Variants in AIMP1 observed in about 807,000 individuals in gnomAD.
AIMP1 encodes aminoacyl tRNA synthetase complex interacting multifunctional protein 1.
In AIMP1, 24 loss-of-function variants were observed where a neutral mutation model predicts 33.1. That is an observed-to-expected ratio of 0.73 (90% CI 0.53 to 1.02). AIMP1 has a LOEUF of 1.02. AIMP1 is among the 50% of genes least tolerant of loss of function. The pLI is 0.00. For missense variants in AIMP1, 367 were observed against 364.8 expected, an observed-to-expected ratio of 1.01 and a Z score of -0.05; for synonymous variants, 120 against 121.5, an observed-to-expected ratio of 0.99 and a Z score of 0.08.
At position 106,328,141 on chromosome 4, in the gene AIMP1, A is replaced by C. The variant is rs748782849; in HGVS notation, c.289A>C (p.Ile97Leu). The C allele has an allele frequency of 4.7e-5, 76 of 1,613,500 alleles. No homozygotes were observed. The highest frequency in any genetic ancestry group is 6.3e-5 in the Non-Finnish European group (74 of 1,179,748). The change falls in exon 4 of 7, where the codon ATA becomes CTA. Residue 97 changes from isoleucine (I) to leucine (L), a missense_variant. Ile to Leu is a conservative substitution (Grantham distance 5). Transcript: ENST00000672341. ...HANSMVSENV[I>L]QSTAVTTVSS... ...TAATTCTATGGTTTCTGAAAATGTG[A>C]TACAGTCTACAGCAGTAACAACCGT...
intron 1 of AIMP1, among the ~76,000 whole-genome samples, chr4:106,320,414 G>C (rs1191426042): frequency 1.3e-5 from 2 of 152,172 alleles, no homozygotes; most frequent in African/African-American, 4.8e-5. Flanking sequence ...CACAAAATCA[G>C]GGAGTGTAAA....
At chr4:106,317,086 T>G (rs1768962175) in intron 1 of AIMP1, among the ~76,000 whole-genome samples, 1 of 152,138 alleles carries the variant, frequency 6.6e-6, no homozygotes, top group South Asian at 2.1e-4. Flanking sequence ...ACATACTGTA[T>G]TTTAGGTCGT....
chr4:106,338,833 C>T (rs1175699106), intron 6 of AIMP1, among the ~76,000 whole-genome samples: 1 of 152,222 alleles, frequency 6.6e-6, no homozygotes, highest in African/African-American at 2.4e-5. Flanking sequence ...CCTGTGAAAG[C>T]AGCTGGGATG....
At chr4:106,329,607 TTTTAAA>T (rs949776784) in intron 4 of AIMP1, among the ~76,000 whole-genome samples, 8 of 152,096 alleles carry the variant, frequency 5.3e-5, no homozygotes, top group Non-Finnish European at 8.8e-5. Flanking sequence ...ATTTAAATAA[TTTTAAA>T]TTTAAATTTA....
chr4:106,335,660 T>G (rs532839743), intron 5 of AIMP1, among the ~76,000 whole-genome samples: 1 of 152,198 alleles, frequency 6.6e-6, no homozygotes, highest in Admixed American at 6.5e-5. Flanking sequence ...GTCAAGTTAT[T>G]TGAAGCATTC....
intron 4 of AIMP1, among the ~76,000 whole-genome samples, chr4:106,330,348 A>C (rs911924542): frequency 1.3e-5 from 2 of 152,180 alleles, no homozygotes; most frequent in East Asian, 3.9e-4. Flanking sequence ...GATTTTTGGC[A>C]TATTCTGGTA....
intron 6 of AIMP1, among the ~76,000 whole-genome samples, chr4:106,340,615 TATTA>T (rs1056055577): frequency 2.0e-5 from 3 of 152,152 alleles, no homozygotes; most frequent in African/African-American, 7.2e-5. Context: ...CTGCAAAGGA[TATTA>T]ATTTCTTTTT....
chr4:106,316,543 C>T, upstream of AIMP1: 1 of 1,551,576 alleles, frequency 6.4e-7, no homozygotes, highest in Non-Finnish European at 8.7e-7. Context: ...GGTGGCTGGA[C>T]CTACATGCTT....
chr4:106,335,149 A>G (rs1196006125), intron 5 of AIMP1, among the ~76,000 whole-genome samples: 1 of 152,174 alleles, frequency 6.6e-6, no homozygotes, highest in African/African-American at 2.4e-5. Context: ...TCTAGGAAAA[A>G]AGAAGTAGAC....
Position 106,344,107 on chromosome 4 carries a change from C to T in AIMP1, c.773-3419C>T, listed in dbSNP as rs570680777. On this transcript the variant is annotated intron_variant, in intron 6 of 6. Coordinates refer to ENST00000672341, the MANE Select transcript of AIMP1 (RefSeq NM_001142416.2). ...TTAACTTGGCTTCTGGCACCACACT[C>T]TCCTGGTGGTCCTCCTTCTTCACTG... 1.5e-4 allele frequency among the ~76,000 whole-genome samples: 23 copies of T among 152,264 alleles called. No homozygotes were observed. In the South Asian group the frequency reaches 4.6e-3, roughly 30 times the overall value.
At chr4:106,316,627 G>C (rs974822895) in intron 1 of AIMP1, 33 bp downstream of exon 1, 2 of 1,548,936 alleles carry the variant, frequency 1.3e-6, no homozygotes, top group South Asian at 1.2e-5. Context: ...ACTCACTCGG[G>C]GATCGCCGAT....
At chr4:106,338,672 G>C (rs1020986135) in intron 6 of AIMP1, among the ~76,000 whole-genome samples, 3 of 152,206 alleles carry the variant, frequency 2.0e-5, no homozygotes, top group African/African-American at 7.2e-5. Context: ...AAGGAACTGT[G>C]GGATGGGACC....
At chr4:106,347,168 A>G (rs1447540244) in intron 6 of AIMP1, among the ~76,000 whole-genome samples, 1 of 152,160 alleles carries the variant, frequency 6.6e-6, no homozygotes, top group Non-Finnish European at 1.5e-5. Flanking sequence ...AACATTGGTG[A>G]TTATAATTGA....
At chr4:106,343,679 T>C (rs150266747) in intron 6 of AIMP1, among the ~76,000 whole-genome samples, 3 of 152,302 alleles carry the variant, frequency 2.0e-5, no homozygotes, top group African/African-American at 7.2e-5. Context: ...GGCTTTAGAT[T>C]CATGGAGCAT....
At chr4:106,326,320 A>G (rs928906748) in intron 2 of AIMP1, among the ~76,000 whole-genome samples, 6 of 152,218 alleles carry the variant, frequency 3.9e-5, no homozygotes, top group Non-Finnish European at 7.4e-5. Flanking sequence ...ATAGGCCACT[A>G]TAAAGTTCTG....
chr4:106,341,145 A>T (rs1370036469), intron 6 of AIMP1, among the ~76,000 whole-genome samples: 1 of 152,054 alleles, frequency 6.6e-6, no homozygotes, highest in Non-Finnish European at 1.5e-5. Flanking sequence ...TGGATTCTAG[A>T]TATTAGAGTT....
intron 6 of AIMP1, among the ~76,000 whole-genome samples, 175 bp downstream of exon 6, chr4:106,337,212 C>T (rs1769918669): frequency 6.6e-6 from 1 of 152,104 alleles, no homozygotes; most frequent in African/African-American, 2.4e-5. Context: ...ATTGAGTAAA[C>T]CTTGTAATCA....
upstream of AIMP1, chr4:106,315,663 A>T (rs1028445723): frequency 3.3e-5 from 5 of 152,198 alleles, no homozygotes; most frequent in Admixed American, 1.3e-4. Flanking sequence ...CGGATTCTAG[A>T]TTCTCTAACC....
At chr4:106,327,369 A>G (rs2125921888) in intron 2 of AIMP1, 82 bp from the exon 3 acceptor site, 1 of 1,018,440 alleles carries the variant, frequency 9.8e-7, no homozygotes, top group Non-Finnish European at 1.5e-6. Context: ...AGCTGTAGTT[A>G]TACTGGCTGT....
Sources: gnomAD v4.1 joint callset for allele counts (sites outside exome capture counted in the v4.1 genomes callset) on GRCh38, gnomAD v4.1.1 for gene constraint, MANE v1.5 for transcripts, NCBI Gene and HGNC (gene_info 2026-07-23, HGNC 2026-07-21) for gene names.